Variants in KATNIP observed in about 807,000 individuals in gnomAD.
KATNIP encodes the protein katanin-interacting protein.
In KATNIP, 126 loss-of-function variants were observed where a neutral mutation model predicts 174.0. The ratio of observed to expected loss-of-function variants is 0.72; its 90% CI spans 0.63 to 0.84. KATNIP has a LOEUF of 0.84. Among genes scored for constraint, KATNIP ranks in the 40% least tolerant of loss-of-function variants. The probability of loss-of-function intolerance (pLI) is 0.00; values close to 1 mark genes in which losing one functional copy is unlikely to be tolerated. For missense variants in KATNIP, 1,958 were observed against 2,109.7 expected (o/e 0.93, Z 1.41); for synonymous variants, 810 against 835.7 (o/e 0.97, Z 0.53).
intron 6 of KATNIP, chr16:27,659,950 C>A (rs950370126): frequency 2.1e-6 from 2 of 969,996 alleles, no homozygotes; most frequent in Non-Finnish European, 2.5e-6. Context: ...GGCCTGGTCC[C>A]CACTACCTAT....
At chr16:27,728,160 C>T (rs1047255448) in intron 14 of KATNIP, among the ~76,000 whole-genome samples, 27 of 152,260 alleles carry the variant, frequency 1.8e-4, no homozygotes, top group African/African-American at 5.8e-4. Context: ...GGAAGTATGA[C>T]GGGCATCTTA....
intron 13 of KATNIP, among the ~76,000 whole-genome samples, chr16:27,713,586 T>A (rs994865129): frequency 2.0e-5 from 3 of 150,036 alleles, no homozygotes; most frequent in Non-Finnish European, 4.4e-5. Context: ...ATAAAAAAAA[T>A]TAATTAAAAA....
chr16:27,596,193 C>G (rs543484780), intron 2 of KATNIP, among the ~76,000 whole-genome samples: 1 of 152,188 alleles, frequency 6.6e-6, no homozygotes, highest in African/African-American at 2.4e-5. Context: ...GCACAATCTC[C>G]GTGAGAGATG....
rs2079195910 is a variant in KATNIP at position 27,703,883 on chromosome 16, A to C, written c.1287-13A>C. Reference sequence around the variant, plus strand: ...TACTACTTCCTGTTTGCTAAAACCAAATCCCATTTCAGACAACAGCAGAAG... The same window carrying C: ...TACTACTTCCTGTTTGCTAAAACCACATCCCATTTCAGACAACAGCAGAAG... On this transcript the variant is annotated splice_polypyrimidine_tract_variant and intron_variant, in intron 11 of 27. Coordinates refer to ENST00000261588, the MANE Select transcript of KATNIP (RefSeq NM_015202.5). The C allele has an allele frequency of 6.2e-7, 1 of 1,609,406 alleles. No homozygotes were observed. The highest frequency in any genetic ancestry group is 1.3e-5 in the African/African-American group (1 of 74,854).
At chr16:27,609,314 CTT>C (rs1385026103) in intron 2 of KATNIP, among the ~76,000 whole-genome samples, 5 of 141,592 alleles carry the variant, frequency 3.5e-5, no homozygotes, top group East Asian at 2.2e-4. Flanking sequence ...TGTGTGCACT[CTT>C]TGCAAGTTTC....
At chr16:27,767,657 G>A (rs1185750766) in intron 20 of KATNIP, among the ~76,000 whole-genome samples, 2 of 152,160 alleles carry the variant, frequency 1.3e-5, no homozygotes, top group Admixed American at 6.5e-5. Flanking sequence ...GCTGCAGTGA[G>A]CTATGATCTC....
intron 3 of KATNIP, among the ~76,000 whole-genome samples, chr16:27,625,903 G>A (rs1444202668): frequency 6.6e-6 from 1 of 150,670 alleles, no homozygotes; most frequent in Non-Finnish European, 1.5e-5. Context: ...GGGCTGGAGT[G>A]CAGTGGCATG....
At chr16:27,648,270 G>T (rs1234701452) in intron 5 of KATNIP, among the ~76,000 whole-genome samples, 1 of 151,186 alleles carries the variant, frequency 6.6e-6, no homozygotes. Flanking sequence ...TCCAGCCTGG[G>T]CAACAGAGTG....
chr16:27,623,465 G>C (rs944712428), intron 3 of KATNIP, among the ~76,000 whole-genome samples: 6 of 151,948 alleles, frequency 3.9e-5, no homozygotes, highest in African/African-American at 1.2e-4. Context: ...CTGATTGATT[G>C]ATTGATTGAT....
intron 14 of KATNIP, among the ~76,000 whole-genome samples, chr16:27,735,409 C>T (rs2080862531): frequency 6.6e-6 from 1 of 152,208 alleles, no homozygotes; most frequent in African/African-American, 2.4e-5. Flanking sequence ...TTCCCCATCA[C>T]CCACTACCTC....
chr16:27,569,263 T>A (rs4787971), intron 1 of KATNIP, among the ~76,000 whole-genome samples: 126,269 of 152,246 alleles, frequency 0.83, 52,583 homozygotes, highest in East Asian at 1. Context: ...ATGGTAGCGA[T>A]GAAGATTATC....
chr16:27,678,452 G>T (rs924907896), intron 7 of KATNIP, among the ~76,000 whole-genome samples: 1 of 151,364 alleles, frequency 6.6e-6, no homozygotes, highest in African/African-American at 2.4e-5. Context: ...TCTTCCCTCT[G>T]TCTTCTCCCA....
At chr16:27,633,537 C>T (rs1267022030) in intron 5 of KATNIP, among the ~76,000 whole-genome samples, 1 of 151,548 alleles carries the variant, frequency 6.6e-6, no homozygotes, top group African/African-American at 2.4e-5. Context: ...AGTGATCCTC[C>T]TGCCTCGGCC....
intron 1 of KATNIP, among the ~76,000 whole-genome samples, chr16:27,552,696 T>G (rs1377425126): frequency 1.4e-5 from 2 of 144,850 alleles, no homozygotes; most frequent in Non-Finnish European, 3.0e-5. Flanking sequence ...GTTTTTTTTT[T>G]TTTTTTTTTT....
intron 14 of KATNIP, among the ~76,000 whole-genome samples, chr16:27,724,539 T>G (rs2080368200): frequency 6.6e-6 from 1 of 152,168 alleles, no homozygotes; most frequent in Non-Finnish European, 1.5e-5. Context: ...GGTGTCATCA[T>G]GGGTGCTTGG....
intron 6 of KATNIP, among the ~76,000 whole-genome samples, chr16:27,669,941 G>A (rs909889534): frequency 1.2e-4 from 18 of 151,850 alleles, no homozygotes; most frequent in African/African-American, 2.7e-4. Context: ...TCCCACCTCC[G>A]CTTCCCAAAG....
intron 9 of KATNIP, 185 bp from the exon 10 acceptor site, chr16:27,699,349 C>T: frequency 1.4e-6 from 1 of 714,186 alleles, no homozygotes; most frequent in Non-Finnish European, 1.7e-6. Flanking sequence ...TGGGGTTGAT[C>T]TTTGGGGCAT....
chr16:27,749,342 C>A (rs1313890315), intron 15 of KATNIP, among the ~76,000 whole-genome samples: 4 of 152,202 alleles, frequency 2.6e-5, no homozygotes, highest in Non-Finnish European at 5.9e-5. Flanking sequence ...GGACAGGAGA[C>A]CAAGCTCTGT....
intron 14 of KATNIP, among the ~76,000 whole-genome samples, chr16:27,726,342 G>C (rs1284866201): frequency 6.6e-6 from 1 of 152,146 alleles, no homozygotes; most frequent in South Asian, 2.1e-4. Context: ...CTGCTTGCTA[G>C]AACTTTCTGT....
Sources: gnomAD v4.1 joint callset for allele counts (sites outside exome capture counted in the v4.1 genomes callset) on GRCh38, gnomAD v4.1.1 for gene constraint, MANE v1.5 for transcripts, NCBI Gene and HGNC (gene_info 2026-07-23, HGNC 2026-07-21) for gene names.